Variants in CELF2 observed in about 807,000 individuals in gnomAD.
CELF2 encodes CUG triplet repeat RNA-binding protein 2.
A neutral mutation model predicts 62.6 loss-of-function variants in CELF2; 8 were observed. The ratio of observed to expected loss-of-function variants is 0.13; its 90% CI spans 0.07 to 0.23. The LOEUF is 0.23. Ranked by LOEUF, CELF2 falls within the 10% of genes least tolerant of loss-of-function variation. The pLI is 1.00. For missense variants in CELF2, 333 were observed against 671.0 expected, an observed-to-expected ratio of 0.50 and a Z score of 5.56; for synonymous variants, 258 against 250.0, an observed-to-expected ratio of 1.03 and a Z score of -0.30.
chr10:10,932,087 G>A (rs2066129273), intron 2 of CELF2, among the ~76,000 whole-genome samples: 1 of 152,122 alleles, frequency 6.6e-6, no homozygotes, highest in Non-Finnish European at 1.5e-5. Context: ...TGGGGACACA[G>A]CCAGAACATA....
chr10:10,840,420 A>C (rs1443273453), intron 1 of CELF2, among the ~76,000 whole-genome samples: 1 of 152,170 alleles, frequency 6.6e-6, no homozygotes, highest in African/African-American at 2.4e-5. Context: ...ATTTAGTGGT[A>C]TCTCATTGTT....
chr10:11,096,926 A>ACTC (rs1255458197), intron 1 of CELF2, among the ~76,000 whole-genome samples: 3 of 151,068 alleles, frequency 2.0e-5, no homozygotes, highest in Admixed American at 1.3e-4. Context: ...TTTCTAACCC[A>ACTC]CTCCTCCTCC....
At chr10:11,018,234 C>G (rs1220030203) in intron 1 of CELF2, 71 bp downstream of exon 1, 1 of 1,325,844 alleles carries the variant, frequency 7.5e-7, no homozygotes, top group Non-Finnish European at 1.0e-6. Context: ...GCGAAGGGGA[C>G]GGGCGTCGCC....
intron 1 of CELF2, among the ~76,000 whole-genome samples, chr10:11,038,395 G>A (rs1352968653): frequency 2.0e-5 from 3 of 152,198 alleles, no homozygotes; most frequent in South Asian, 2.1e-4. Context: ...TACTGGTAGA[G>A]GTATGTGGTG....
chr10:10,701,299 C>A, the CELF2 span, among the ~76,000 whole-genome samples: 1 of 152,144 alleles, frequency 6.6e-6, no homozygotes, highest in African/African-American at 2.4e-5. Flanking sequence ...TGCAAATATC[C>A]CCAGGAACTA....
the CELF2 span, among the ~76,000 whole-genome samples, chr10:10,647,234 C>T: frequency 2.6e-5 from 4 of 152,144 alleles, no homozygotes; most frequent in Admixed American, 2.0e-4. Context: ...AGTCTCAACC[C>T]TACACCTGCT....
intron 1 of CELF2, among the ~76,000 whole-genome samples, chr10:10,837,081 G>C (rs1294939115): frequency 6.6e-6 from 1 of 152,148 alleles, no homozygotes; most frequent in Non-Finnish European, 1.5e-5. Flanking sequence ...GCACTCCTAC[G>C]TTGTCATTCA....
chr10:10,605,050 A>C, the CELF2 span, among the ~76,000 whole-genome samples: 42,886 of 152,080 alleles, frequency 0.28, 6,403 homozygotes, highest in South Asian at 0.5. Flanking sequence ...GACTGGATAA[A>C]GAAAATGTGG....
chr10:11,120,889 C>T (rs896426980), intron 1 of CELF2, among the ~76,000 whole-genome samples: 2 of 152,212 alleles, frequency 1.3e-5, no homozygotes, highest in Non-Finnish European at 2.9e-5. Flanking sequence ...CTGCCTGAAG[C>T]TTGGAGTCCT....
chr10:10,852,524 T>C (rs1338932014), intron 1 of CELF2, among the ~76,000 whole-genome samples: 1 of 152,194 alleles, frequency 6.6e-6, no homozygotes, highest in Non-Finnish European at 1.5e-5. Flanking sequence ...GTTGTGTATC[T>C]TGACTGGGTG....
At chr10:10,863,650 C>G (rs2060179186) in intron 1 of CELF2, among the ~76,000 whole-genome samples, 1 of 152,048 alleles carries the variant, frequency 6.6e-6, no homozygotes, top group Admixed American at 6.5e-5. Context: ...ACTTTTGCAC[C>G]AACCTAATAG....
At position 11,300,377 on chromosome 10, in the gene CELF2, C is replaced by T. The variant is rs1233529039; in HGVS notation, c.976+11825C>T. Among the ~76,000 whole-genome samples, 1 of 152,300 alleles carries T rather than the reference C, an allele frequency of 6.6e-6. No homozygotes were observed. The highest frequency in any genetic ancestry group is 2.1e-4 in the South Asian group (1 of 4,822). On this transcript the variant is annotated intron_variant, in intron 9 of 12. Coordinates refer to ENST00000633077, the MANE Select transcript of CELF2 (RefSeq NM_001326342.2). The surrounding 1 kb of genome is among the most constrained non-coding windows in gnomAD (Gnocchi z 5.5). ...TGATGACTCTTGCCCAGCACTGCAC[C>T]AAGCCAGGTGGCATCAGCTTCCTTG...
chr10:10,937,127 T>C lies in CELF2; in HGVS notation c.89+17128T>C, dbSNP rs1217614018. 5.5e-3 allele frequency among the ~76,000 whole-genome samples: 783 copies of C among 141,204 alleles called. 5 individuals are homozygous for C. Among genetic ancestry groups the C allele is most frequent in the African/African-American group, 0.02 (740 of 37,584 alleles). The allele number at this position is 141,204 out of a possible 152,430, so 92.6% of individuals were successfully genotyped here. A position where few individuals can be genotyped will look rare whatever the true frequency, so the allele number is the denominator to read the frequency against. ...TCTTTTTTGTTTTTCTTTTCTTTTT[T>C]TTTTTTTTTTTTTTTTCGTGACAGA... On this transcript the variant is annotated intron_variant, in intron 2 of 13. Transcript: ENST00000636488.
At chr10:11,138,641 A>G (rs1335570849) in intron 1 of CELF2, among the ~76,000 whole-genome samples, 1 of 152,238 alleles carries the variant, frequency 6.6e-6, no homozygotes, top group Admixed American at 6.5e-5. Flanking sequence ...TTACTTTTAG[A>G]AGACTGGGGG....
rs1171549787 is a variant in CELF2 at position 11,242,161 on chromosome 10, C to G, written c.355-6992C>G. On this transcript the variant is annotated intron_variant, in intron 3 of 12. Transcript: ENST00000633077. The surrounding 1 kb of genome is among the most constrained non-coding windows in gnomAD (Gnocchi z 4.8). Reference sequence around the variant, plus strand: ...CACAATATGTGCTAGCACGGCTGCTCTCTCCAGGGGTCAGGATGGGTTTAA... The same window carrying G: ...CACAATATGTGCTAGCACGGCTGCTGTCTCCAGGGGTCAGGATGGGTTTAA... Among the ~76,000 whole-genome samples, 2 of 152,190 alleles carry G rather than the reference C, an allele frequency of 1.3e-5. No individual in the cohort carries two copies. The highest frequency in any genetic ancestry group is 6.5e-5 in the Admixed American group (1 of 15,288).
At chr10:10,763,628 A>G in the CELF2 span, among the ~76,000 whole-genome samples, 3 of 152,152 alleles carry the variant, frequency 2.0e-5, no homozygotes, top group Non-Finnish European at 4.4e-5. Context: ...TGTTTTTGCA[A>G]TTGTGTGGTT....
chr10:10,602,676 G>A, the CELF2 span, among the ~76,000 whole-genome samples: 42,872 of 151,974 alleles, frequency 0.28, 6,410 homozygotes, highest in South Asian at 0.5. Context: ...GCTAGAGGGA[G>A]ATATTTTTAT....
chr10:10,847,748 C>T (rs1326025339), intron 1 of CELF2, among the ~76,000 whole-genome samples: 1 of 152,172 alleles, frequency 6.6e-6, no homozygotes, highest in Admixed American at 6.5e-5. Flanking sequence ...CTGGGCCCTA[C>T]CCCAGAGCTT....
the CELF2 span, among the ~76,000 whole-genome samples, chr10:10,578,495 G>A: frequency 1.3e-5 from 2 of 152,080 alleles, no homozygotes; most frequent in East Asian, 1.9e-4. Flanking sequence ...ATGGTTTTAG[G>A]TCTAACATGT....
Sources: gnomAD v4.1 joint callset for allele counts (sites outside exome capture counted in the v4.1 genomes callset) on GRCh38, gnomAD v4.1.1 for gene constraint, Gnocchi (gnomAD v3.1) non-coding constraint, MANE v1.5 for transcripts, NCBI Gene and HGNC (gene_info 2026-07-23, HGNC 2026-07-21) for gene names.